The following ARSG variants were observed in gnomAD, a reference collection of about 807,000 sequenced individuals.
ARSG encodes ASG.
In ARSG, 37 loss-of-function variants were observed where a neutral mutation model predicts 50.5. That is an observed-to-expected ratio of 0.73 (90% CI 0.56 to 0.96). The LOEUF is 0.96. Among genes scored for constraint, ARSG ranks in the 50% least tolerant of loss-of-function variants. The pLI, the probability that ARSG is intolerant of heterozygous loss-of-function variation, is 0.00. For synonymous variants in ARSG, 225 were observed against 254.6 expected (o/e 0.88, Z 1.11); for missense variants, 629 against 675.3 (o/e 0.93, Z 0.76).
intron 6 of ARSG, among the ~76,000 whole-genome samples, chr17:68,366,677 ATG>A (rs3072873): frequency 2.7e-3 from 401 of 148,200 alleles, no homozygotes; most frequent in South Asian, 6.4e-3. Flanking sequence ...GAATTTATGT[ATG>A]TGTGTGTGTG....
intron 2 of ARSG, among the ~76,000 whole-genome samples, chr17:68,337,708 C>T (rs1267591287): frequency 6.6e-6 from 1 of 152,118 alleles, no homozygotes; most frequent in African/African-American, 2.4e-5. Flanking sequence ...ACCTCTGTCC[C>T]CTGGATTCCA....
intron 6 of ARSG, among the ~76,000 whole-genome samples, chr17:68,364,083 G>A (rs2079425105): frequency 6.6e-6 from 1 of 152,072 alleles, no homozygotes; most frequent in Non-Finnish European, 1.5e-5. Context: ...CCTCTCACCT[G>A]CCCTCTTCCA....
chr17:68,291,879 C>G (rs2076009617), intron 1 of ARSG, among the ~76,000 whole-genome samples: 3 of 151,854 alleles, frequency 2.0e-5, no homozygotes, highest in African/African-American at 7.2e-5. Context: ...CGAGGGGGAA[C>G]ACGCGCGCGC....
chr17:68,367,772 TAGAA>T lies in ARSG; in HGVS notation c.705-773_705-770del, dbSNP rs2079615414. Among the ~76,000 whole-genome samples, 1 of 152,092 alleles carries T rather than the reference TAGAA, an allele frequency of 6.6e-6. No homozygotes were observed. ...CAACTTGAGACAACCATTTATCTCT[TAGAA>T]AGGAACAAGGCTGGCCAGGCACAGT... is the stretch of plus-strand genomic sequence containing the variant. On this transcript the variant is annotated intron_variant, in intron 6 of 11. Transcript: ENST00000621439. The surrounding 1 kb of genome is among the most constrained non-coding windows in gnomAD (Gnocchi z 4.5).
chr17:68,272,907 G>T, intron 1 of ARSG: 1 of 1,000,462 alleles, frequency 1.0e-6, no homozygotes, highest in South Asian at 1.6e-5. Context: ...CTGGACAAAG[G>T]TGATGTTGCA....
At chr17:68,265,940 A>G (rs1315973590) in intron 1 of ARSG, among the ~76,000 whole-genome samples, 1 of 152,166 alleles carries the variant, frequency 6.6e-6, no homozygotes, top group Non-Finnish European at 1.5e-5. Context: ...CAGAGGCCTC[A>G]TGGCCTGCAA....
intron 9 of ARSG, among the ~76,000 whole-genome samples, chr17:68,392,922 G>A (rs1238504765): frequency 1.3e-5 from 2 of 152,224 alleles, no homozygotes; most frequent in East Asian, 3.8e-4. Context: ...TAATGGAAAA[G>A]GCAGTGAATA....
chr17:68,280,625 C>T (rs781806586), intron 1 of ARSG, among the ~76,000 whole-genome samples: 1 of 152,174 alleles, frequency 6.6e-6, no homozygotes, highest in Non-Finnish European at 1.5e-5. Flanking sequence ...TCACCCTATA[C>T]AACAATCAAC....
intron 1 of ARSG, among the ~76,000 whole-genome samples, chr17:68,282,742 G>C (rs2075731804): frequency 1.5e-5 from 2 of 135,362 alleles, no homozygotes; most frequent in African/African-American, 2.9e-5. Flanking sequence ...AGGAGTTTGA[G>C]AGCAGTCTGG....
intron 5 of ARSG, among the ~76,000 whole-genome samples, chr17:68,352,719 A>T (rs1257493770): frequency 6.6e-6 from 1 of 152,130 alleles, no homozygotes; most frequent in African/African-American, 2.4e-5. Flanking sequence ...CATGTTGGCC[A>T]GGCTGGTCTT....
the ARSG span, among the ~76,000 whole-genome samples, chr17:68,428,003 A>G: frequency 6.6e-6 from 1 of 151,260 alleles, no homozygotes; most frequent in Non-Finnish European, 1.5e-5. Flanking sequence ...TGATCCCCCC[A>G]CCTCTGCCTC....
At chr17:68,450,874 C>A in the ARSG span, 1 of 1,613,104 alleles carries the variant, frequency 6.2e-7, no homozygotes, top group South Asian at 1.1e-5. Flanking sequence ...AGGCGCTCCA[C>A]GATGTAGACG....
intron 2 of ARSG, among the ~76,000 whole-genome samples, chr17:68,310,026 T>C (rs2049812676): frequency 6.6e-6 from 1 of 150,860 alleles, no homozygotes. Flanking sequence ...CAGGTTGGCG[T>C]GCAGTGGCAC....
intron 1 of ARSG, among the ~76,000 whole-genome samples, chr17:68,283,590 G>A (rs1471697856): frequency 6.6e-6 from 1 of 151,864 alleles, no homozygotes; most frequent in Non-Finnish European, 1.5e-5. Flanking sequence ...GGAAGCTGAG[G>A]CGGGTGGATC....
At chr17:68,357,631 A>G (rs1035464231) in intron 6 of ARSG, among the ~76,000 whole-genome samples, 8 of 152,156 alleles carry the variant, frequency 5.3e-5, no homozygotes, top group Non-Finnish European at 1.0e-4. Flanking sequence ...CCTTCATTCT[A>G]CCAGACAGAA....
chr17:68,374,417 GAGA>G (rs2080040288), intron 8 of ARSG, among the ~76,000 whole-genome samples: 2 of 152,180 alleles, frequency 1.3e-5, no homozygotes, highest in Admixed American at 6.5e-5. Context: ...TCTCCGTGGG[GAGA>G]AGAATTTACC....
At chr17:68,274,155 C>T in intron 1 of ARSG, 2 of 1,425,184 alleles carry the variant, frequency 1.4e-6, no homozygotes, top group Non-Finnish European at 1.9e-6. Flanking sequence ...ACGTCTTGCA[C>T]ATGGAGAGAT....
At chr17:68,346,867 G>T in intron 3 of ARSG, 1 of 1,420,980 alleles carries the variant, frequency 7.0e-7, no homozygotes, top group Non-Finnish European at 9.3e-7. Context: ...GGCTTCTCCG[G>T]GCTCCTGGTG....
chr17:68,291,970 T>G (rs1475378159), intron 1 of ARSG, among the ~76,000 whole-genome samples: 9 of 151,552 alleles, frequency 5.9e-5, no homozygotes, highest in African/African-American at 7.3e-5. Flanking sequence ...CCAGTTTGGG[T>G]GTGAGCTGCG....
Sources: gnomAD v4.1 joint callset for allele counts (sites outside exome capture counted in the v4.1 genomes callset) on GRCh38, gnomAD v4.1.1 for gene constraint, Gnocchi (gnomAD v3.1) non-coding constraint, MANE v1.5 for transcripts, NCBI Gene and HGNC (gene_info 2026-07-23, HGNC 2026-07-21) for gene names.